The following KCNMA1 variants were observed in gnomAD, a reference collection of about 807,000 sequenced individuals.
KCNMA1 encodes the protein potassium calcium-activated channel subfamily M alpha 1.
KCNMA1 carries 29 observed loss-of-function variants against 140.0 expected under a neutral mutation model. The ratio of observed to expected loss-of-function variants is 0.21; its 90% CI spans 0.15 to 0.28. KCNMA1 has a LOEUF of 0.28. Ranked by LOEUF, KCNMA1 falls within the 10% of genes least tolerant of loss-of-function variation. The pLI is 1.00. For missense variants in KCNMA1, 880 were observed against 1,602.2 expected, an observed-to-expected ratio of 0.55 and a Z score of 7.70; for synonymous variants, 612 against 611.9, an observed-to-expected ratio of 1.00 and a Z score of 0.00.
intron 3 of KCNMA1, among the ~76,000 whole-genome samples, chr10:77,191,934 G>A (rs1322669775): frequency 6.6e-6 from 1 of 152,098 alleles, no homozygotes; most frequent in Non-Finnish European, 1.5e-5. Flanking sequence ...GCTCTGCTCA[G>A]TTGAAGAGAT....
chr10:77,095,648 A>G (rs1470857409), intron 9 of KCNMA1, among the ~76,000 whole-genome samples: 1 of 152,186 alleles, frequency 6.6e-6, no homozygotes, highest in African/African-American at 2.4e-5. Flanking sequence ...TCATGTGCAT[A>G]TCTTCACTAA....
intron 2 of KCNMA1, among the ~76,000 whole-genome samples, chr10:77,381,224 G>A (rs1396476613): frequency 1.3e-5 from 2 of 152,186 alleles, no homozygotes; most frequent in Non-Finnish European, 2.9e-5. Flanking sequence ...TATGGAGTTA[G>A]TTTGGATTTT....
intron 14 of KCNMA1, among the ~76,000 whole-genome samples, chr10:77,042,497 G>A (rs1453666205): frequency 1.3e-5 from 2 of 152,092 alleles, no homozygotes; most frequent in Non-Finnish European, 2.9e-5. Flanking sequence ...GAGCCTTATG[G>A]GCAAATAGTA....
chr10:77,506,551 G>A (rs1015356509), intron 1 of KCNMA1, among the ~76,000 whole-genome samples: 3 of 150,252 alleles, frequency 2.0e-5, no homozygotes, highest in Admixed American at 6.6e-5. Context: ...AACATGGAGA[G>A]AGGGAAAGAG....
In KCNMA1 at chr10:77,056,665, G is replaced by A. The variant is rs139118771; in HGVS notation, c.1749+16432C>T. ...AACCTTAAAGCAACTACTATTTCCC[G>A]ATAACTAAGAAAGAACACATTTGTA... On this transcript the variant is annotated intron_variant, in intron 14 of 27. Coordinates refer to ENST00000286628, the MANE Select transcript of KCNMA1 (RefSeq NM_001161352.2). Among the ~76,000 whole-genome samples, 16 of 152,130 alleles carry A rather than the reference G, an allele frequency of 1.1e-4. No individual in the cohort carries two copies. In the East Asian group the frequency reaches 2.3e-3, roughly 22 times the overall value.
intron 19 of KCNMA1, among the ~76,000 whole-genome samples, chr10:76,976,627 G>T (rs2153220068): frequency 6.6e-6 from 1 of 152,254 alleles, no homozygotes; most frequent in East Asian, 1.9e-4. Flanking sequence ...GAGGAACTCA[G>T]CATGTACCAA....
chr10:77,019,369 T>C (rs566132011), intron 16 of KCNMA1: 2 of 462,152 alleles, frequency 4.3e-6, no homozygotes, highest in African/African-American at 3.9e-5. Context: ...TGGGTTTATA[T>C]AATGGAGCAG....
At chr10:77,017,071 T>G (rs1037747765) in intron 17 of KCNMA1, among the ~76,000 whole-genome samples, 2 of 152,214 alleles carry the variant, frequency 1.3e-5, no homozygotes, top group Non-Finnish European at 2.9e-5. Context: ...GCTGATTGTG[T>G]CAGCATGTAT....
In KCNMA1 at chr10:77,606,829, C is replaced by G. The variant is rs547870560; in HGVS notation, c.378+30436G>C. Among the ~76,000 whole-genome samples the G allele has an allele frequency of 1.4e-3, 206 of 152,236 alleles. 1 individual carries two copies. Among genetic ancestry groups the G allele is most frequent in the African/African-American group, 4.8e-3 (199 of 41,532 alleles). On this transcript the variant is annotated intron_variant, in intron 1 of 27. Coordinates refer to ENST00000286628, the MANE Select transcript of KCNMA1 (RefSeq NM_001161352.2). ...TATCGTGTTCAGTCCTTTTAGTCAC[C>G]TAATGCCCACAGGCACCTTGACACC...
At chr10:77,562,791 T>G (rs572347279) in intron 1 of KCNMA1, among the ~76,000 whole-genome samples, 1 of 152,350 alleles carries the variant, frequency 6.6e-6, no homozygotes, top group Admixed American at 6.5e-5. Flanking sequence ...TTGCTTAGAT[T>G]CAGTTAGACA....
intron 3 of KCNMA1, among the ~76,000 whole-genome samples, chr10:77,236,889 C>T (rs964266625): frequency 7.2e-5 from 11 of 152,252 alleles, no homozygotes; most frequent in African/African-American, 2.7e-4. Context: ...AAGCCATACT[C>T]TTGACTCAGC....
At chr10:76,967,136 C>T (rs895588234) in intron 20 of KCNMA1, among the ~76,000 whole-genome samples, 2 of 152,172 alleles carry the variant, frequency 1.3e-5, no homozygotes, top group African/African-American at 4.8e-5. Context: ...TACAGCCCAT[C>T]CTAGCCCATT....
At chr10:77,458,202 C>A (rs78003817) in intron 1 of KCNMA1, among the ~76,000 whole-genome samples, 7,342 of 152,334 alleles carry the variant, frequency 0.048, 423 homozygotes, top group African/African-American at 0.13. Context: ...GCAGCCAGGG[C>A]ACTGTGCCCC....
At chr10:77,453,026 C>T (rs1459825824) in intron 1 of KCNMA1, among the ~76,000 whole-genome samples, 1 of 152,100 alleles carries the variant, frequency 6.6e-6, no homozygotes, top group Non-Finnish European at 1.5e-5. Context: ...AGGACAGAAC[C>T]TGGTGTAAAG....
intron 1 of KCNMA1, among the ~76,000 whole-genome samples, chr10:77,498,376 C>A (rs1413263281): frequency 6.6e-6 from 1 of 152,188 alleles, no homozygotes; most frequent in Non-Finnish European, 1.5e-5. Context: ...CTGGCCAGGG[C>A]AGGGGCTTGT....
At chr10:76,878,138 C>T (rs1320633718) in intron 29 of KCNMA1, among the ~76,000 whole-genome samples, 1 of 152,090 alleles carries the variant, frequency 6.6e-6, no homozygotes, top group East Asian at 1.9e-4. Context: ...ATGGGCGGAC[C>T]TCAGAGGCTA....
rs1386030724 is a variant in KCNMA1 at position 77,174,225 on chromosome 10, T to G, written c.808+9196A>C. ...TAATTTGGGTAGGGTGGTAGAGGGT[T>G]CCTTTTAACAGTGTATTCATGATTT... On this transcript the variant is annotated intron_variant, in intron 5 of 27. Coordinates refer to ENST00000286628, the MANE Select transcript of KCNMA1 (RefSeq NM_001161352.2). Among the ~76,000 whole-genome samples the G allele has an allele frequency of 2.0e-5, 3 of 152,290 alleles. No individual in the cohort carries two copies. In the East Asian group the frequency reaches 5.8e-4, roughly 29 times the overall value.
At chr10:76,879,048 T>C (rs2033405108) in intron 29 of KCNMA1, among the ~76,000 whole-genome samples, 1 of 152,120 alleles carries the variant, frequency 6.6e-6, no homozygotes, top group Admixed American at 6.5e-5. Flanking sequence ...TTGTCAGTGG[T>C]CCTGAATGGA....
chr10:77,081,681 C>T (rs1437731994), intron 12 of KCNMA1, among the ~76,000 whole-genome samples: 2 of 152,094 alleles, frequency 1.3e-5, no homozygotes, highest in African/African-American at 4.8e-5. Context: ...TGAAGGATTT[C>T]ATTTTATTTT....
Sources: gnomAD v4.1 joint callset for allele counts (sites outside exome capture counted in the v4.1 genomes callset) on GRCh38, gnomAD v4.1.1 for gene constraint, MANE v1.5 for transcripts, NCBI Gene and HGNC (gene_info 2026-07-23, HGNC 2026-07-21) for gene names.